ULK4: variants seen among roughly 807,000 people sequenced by gnomAD.
ULK4 encodes inactive serine/threonine-protein kinase ULK4.
Under a neutral mutation model 160.6 loss-of-function variants are expected in ULK4, and 133 were observed. The ratio of observed to expected loss-of-function variants is 0.83; its 90% CI spans 0.72 to 0.96. The LOEUF (loss-of-function observed/expected upper bound fraction) is 0.96, where lower values mean the gene tolerates loss of function less well. ULK4 is among the 40% of genes least tolerant of loss of function. ULK4 has a pLI of 0.00. For missense variants in ULK4, 1,580 were observed against 1,499.5 expected (o/e 1.05, Z -0.89); for synonymous variants, 534 against 539.8 (o/e 0.99, Z 0.15).
intron 35 of ULK4, among the ~76,000 whole-genome samples, chr3:41,339,470 C>A (rs2080636458): frequency 6.6e-6 from 1 of 152,174 alleles, no homozygotes; most frequent in South Asian, 2.1e-4. Context: ...TCCACATGTC[C>A]CTGCTAGGCT....
At chr3:41,693,333 C>A (rs1479052317) in intron 27 of ULK4, among the ~76,000 whole-genome samples, 1 of 152,158 alleles carries the variant, frequency 6.6e-6, no homozygotes, top group African/African-American at 2.4e-5. Context: ...GCGATTAAAC[C>A]AGTAAATCGC....
At chr3:41,458,767 T>C (rs1049848385) in intron 33 of ULK4, among the ~76,000 whole-genome samples, 4 of 152,176 alleles carry the variant, frequency 2.6e-5, no homozygotes, top group African/African-American at 7.2e-5. Flanking sequence ...GTCTTATTTA[T>C]CTTTTTGAGA....
At chr3:41,517,279 C>A (rs1433073903) in intron 32 of ULK4, among the ~76,000 whole-genome samples, 2 of 152,172 alleles carry the variant, frequency 1.3e-5, no homozygotes, top group Non-Finnish European at 2.9e-5. Flanking sequence ...CATCCCTCCT[C>A]CAGCACAATT....
chr3:41,528,436 T>C (rs2086191735), intron 32 of ULK4, among the ~76,000 whole-genome samples: 1 of 152,212 alleles, frequency 6.6e-6, no homozygotes, highest in African/African-American at 2.4e-5. Context: ...TGTAAGATAA[T>C]GTTTTGGGAA....
chr3:41,322,691 A>C (rs537780985), intron 35 of ULK4, among the ~76,000 whole-genome samples: 1 of 152,338 alleles, frequency 6.6e-6, no homozygotes, highest in East Asian at 1.9e-4. Context: ...ACTTCTTTCC[A>C]AGCTATTTAA....
At chr3:41,530,088 C>T (rs1194094914) in intron 32 of ULK4, among the ~76,000 whole-genome samples, 1 of 152,120 alleles carries the variant, frequency 6.6e-6, no homozygotes, top group Non-Finnish European at 1.5e-5. Context: ...AAAAAATATA[C>T]TGAATTATGT....
intron 34 of ULK4, among the ~76,000 whole-genome samples, chr3:41,405,135 T>G (rs9311275): frequency 2.0e-5 from 3 of 151,702 alleles, no homozygotes; most frequent in African/African-American, 2.4e-5. Context: ...CTCTCTTTCT[T>G]TCCAATCTAG....
intron 32 of ULK4, among the ~76,000 whole-genome samples, chr3:41,476,739 T>A (rs766084231): frequency 4.6e-5 from 7 of 152,142 alleles, no homozygotes; most frequent in East Asian, 1.9e-4. Context: ...GCCCTTTTTT[T>A]AATTATTATT....
At chr3:41,950,130 AG>A (rs1468385706) in intron 2 of ULK4, among the ~76,000 whole-genome samples, 2 of 151,042 alleles carry the variant, frequency 1.3e-5, no homozygotes, top group Non-Finnish European at 2.9e-5. Context: ...TCTGTCACTC[AG>A]GTTGGAGCAC....
chr3:41,432,365 C>T (rs9828880), intron 34 of ULK4, among the ~76,000 whole-genome samples: 40,053 of 152,032 alleles, frequency 0.26, 5,756 homozygotes, highest in African/African-American at 0.37. Flanking sequence ...TGTTTCTCTC[C>T]GATGAACCAA....
chr3:41,769,562 C>G (rs2039283677), intron 21 of ULK4, among the ~76,000 whole-genome samples: 1 of 152,172 alleles, frequency 6.6e-6, no homozygotes, highest in Non-Finnish European at 1.5e-5. Flanking sequence ...ACCCAAATCA[C>G]AGCACAACAA....
intron 29 of ULK4, among the ~76,000 whole-genome samples, chr3:41,666,158 G>A (rs770420878): frequency 1.3e-5 from 2 of 152,190 alleles, no homozygotes; most frequent in Admixed American, 6.5e-5. Context: ...TTTTATTGGA[G>A]GTTGGTCATG....
chr3:41,443,926 A>G (rs566280417), intron 34 of ULK4, among the ~76,000 whole-genome samples: 2 of 152,204 alleles, frequency 1.3e-5, no homozygotes, highest in Non-Finnish European at 2.9e-5. Flanking sequence ...ATCTACCCTA[A>G]GAATTGAATT....
At chr3:41,593,166 C>T (rs1488745375) in intron 31 of ULK4, among the ~76,000 whole-genome samples, 3 of 152,168 alleles carry the variant, frequency 2.0e-5, no homozygotes, top group African/African-American at 7.2e-5. Context: ...TCTCAACTAT[C>T]CATTTTTGTA....
At chr3:41,757,420 CAGG>C (rs2038840231) in intron 21 of ULK4, among the ~76,000 whole-genome samples, 3 of 152,048 alleles carry the variant, frequency 2.0e-5, no homozygotes, top group African/African-American at 4.8e-5. Context: ...AACACGTGGT[CAGG>C]AGATCAAGAC....
rs747330956 is a variant in ULK4, at chr3:41,566,076, T to C, written c.3175A>G (p.Ser1059Gly). Residue 1059 changes from serine to glycine, a missense_variant, in exon 32 of 37, where the codon AGC becomes GGC. Coordinates refer to ENST00000301831, the MANE Select transcript of ULK4 (RefSeq NM_017886.4). ...GAATCTTTGCAGGCAACTAGATTGCTGAGTAATGCAATCACACTTTGCATG... is the reference window on the plus strand; with the variant it reads ...GAATCTTTGCAGGCAACTAGATTGCCGAGTAATGCAATCACACTTTGCATG... The part of the protein sequence containing the change: ...NTMQSVIALL[S>G]NLVACKDSNM... The C allele has an allele frequency of 1.1e-5, 18 of 1,613,630 alleles. No homozygotes were observed. The South Asian group carries it at 1.9e-4, about 17-fold the overall frequency.
At chr3:41,498,847 G>A (rs2085088179) in intron 32 of ULK4, among the ~76,000 whole-genome samples, 2 of 152,006 alleles carry the variant, frequency 1.3e-5, no homozygotes, top group East Asian at 1.9e-4. Flanking sequence ...TGCCCACCTC[G>A]GCTTCCCAAA....
chr3:41,284,473 A>T (rs909977433), intron 35 of ULK4, among the ~76,000 whole-genome samples: 3 of 152,118 alleles, frequency 2.0e-5, no homozygotes, highest in African/African-American at 7.2e-5. Context: ...TCAACAAAGC[A>T]AACAAAAACA....
intron 34 of ULK4, among the ~76,000 whole-genome samples, chr3:41,451,975 T>C (rs1326828425): frequency 2.0e-5 from 3 of 152,134 alleles, no homozygotes; most frequent in East Asian, 3.9e-4. Context: ...CTAATAAATA[T>C]TTAAATGCAA....
Sources: gnomAD v4.1 joint callset for allele counts (sites outside exome capture counted in the v4.1 genomes callset) on GRCh38, gnomAD v4.1.1 for gene constraint, MANE v1.5 for transcripts, NCBI Gene and HGNC (gene_info 2026-07-23, HGNC 2026-07-21) for gene names.